The following RGPD2 variants were observed in gnomAD, a reference collection of about 807,000 sequenced individuals.
The protein encoded by RGPD2 is RANBP2 like and GRIP domain containing 2, also known as RANBP2-like and GRIP domain-containing protein 2.
RGPD2 carries 2 observed loss-of-function variants against 36.0 expected under a neutral mutation model. The ratio of observed to expected loss-of-function variants is 0.06; its 90% CI spans 0.02 to 0.17. RGPD2 has a LOEUF of 0.17. Among genes scored for constraint, RGPD2 ranks in the 10% least tolerant of loss-of-function variants. The pLI is 1.00. For missense variants in RGPD2, 40 were observed against 464.3 expected, an observed-to-expected ratio of 0.09 and a Z score of 8.40; for synonymous variants, 19 against 163.8, an observed-to-expected ratio of 0.12 and a Z score of 6.75.
chr2:87,760,617 CT>C (rs1167386408), intron 22 of RGPD2, among the ~76,000 whole-genome samples: 7 of 10,496 alleles, frequency 6.7e-4, no homozygotes, highest in East Asian at 4.5e-3. Context: ...GTTTCTTTCT[CT>C]TTTTTTTTTT....
At chr2:87,852,888 C>T in the RGPD2 span, among the ~76,000 whole-genome samples, 19 of 152,354 alleles carry the variant, frequency 1.2e-4, no homozygotes, top group South Asian at 2.7e-3. Context: ...TGACATATTA[C>T]GTATTACAAA....
chr2:87,940,153 T>C, the RGPD2 span, among the ~76,000 whole-genome samples: 1 of 151,882 alleles, frequency 6.6e-6, no homozygotes, highest in African/African-American at 2.4e-5. Flanking sequence ...AACAAAAACA[T>C]AGCAAATTCA....
chr2:87,846,662 AC>A, the RGPD2 span, among the ~76,000 whole-genome samples: 1 of 152,040 alleles, frequency 6.6e-6, no homozygotes, highest in Non-Finnish European at 1.5e-5. Context: ...AAAGCCTTAA[AC>A]ATCTGGTAAC....
the RGPD2 span, among the ~76,000 whole-genome samples, chr2:87,937,073 T>G: frequency 6.6e-6 from 1 of 151,702 alleles, no homozygotes; most frequent in Non-Finnish European, 1.5e-5. Context: ...AAAACAAATA[T>G]AAAATATAAT....
At chr2:87,826,040 A>G (rs145614216), upstream of RGPD2, 1,158 of 332,012 alleles carry the variant, frequency 3.5e-3, 17 homozygotes, top group African/African-American at 0.024. Flanking sequence ...GCTTATTTCA[A>G]TATTTTCATT....
chr2:87,879,470 G>A, the RGPD2 span, among the ~76,000 whole-genome samples: 3 of 126,906 alleles, frequency 2.4e-5, no homozygotes, highest in Non-Finnish European at 3.2e-5. Flanking sequence ...CACACACTGA[G>A]TACCCTTCCC....
At chr2:87,893,414 G>T in the RGPD2 span, among the ~76,000 whole-genome samples, 5 of 146,340 alleles carry the variant, frequency 3.4e-5, no homozygotes, top group Non-Finnish European at 6.0e-5. Flanking sequence ...ATCTCAGCTG[G>T]ATCTGGAGCT....
the RGPD2 span, among the ~76,000 whole-genome samples, chr2:87,835,043 TA>T: frequency 1.4e-5 from 2 of 143,674 alleles, no homozygotes; most frequent in African/African-American, 2.6e-5. Context: ...CATCTGTAGA[TA>T]AAAAAATACA....
chr2:87,984,907 G>T, the RGPD2 span, among the ~76,000 whole-genome samples: 1 of 145,822 alleles, frequency 6.9e-6, no homozygotes, highest in African/African-American at 2.6e-5. Flanking sequence ...TCCAGCCTAG[G>T]CGACAGAGCA....
rs752352647 is a variant in RGPD2 at position 87,781,492 on chromosome 2, TCTCA to T, written c.4900+628_4900+631del. ...TTTTTTTTTTTTTTTGGAGACAAAG[TCTCA>T]CTCAGTCAGGCTGGAGTGCAGTGGC... is the stretch of plus-strand genomic sequence containing the variant. On this transcript the variant is annotated intron_variant, in intron 20 of 22. Transcript: ENST00000398146. Among the ~76,000 whole-genome samples the T allele has an allele frequency of 7.6e-4, 108 of 141,518 alleles. 1 individual carries two copies. Among genetic ancestry groups the T allele is most frequent in the Non-Finnish European group, 1.2e-3 (80 of 65,402 alleles). 92.8% of individuals were successfully genotyped at this position (141,518 alleles called of 152,430 possible).
the RGPD2 span, among the ~76,000 whole-genome samples, chr2:87,983,331 G>T: frequency 6.6e-6 from 1 of 150,624 alleles, no homozygotes; most frequent in Non-Finnish European, 1.5e-5. Flanking sequence ...AAAAAGGAAA[G>T]AAAGGAAAAG....
At chr2:87,984,765 C>G in the RGPD2 span, among the ~76,000 whole-genome samples, 4 of 150,508 alleles carry the variant, frequency 2.7e-5, no homozygotes, top group African/African-American at 9.8e-5. Context: ...CCCATCTCTA[C>G]TAAAAATACA....
the RGPD2 span, among the ~76,000 whole-genome samples, chr2:87,840,635 G>C: frequency 6.6e-6 from 1 of 151,476 alleles, no homozygotes; most frequent in East Asian, 1.9e-4. Flanking sequence ...ATAAGATAAA[G>C]GAGACCAGTA....
chr2:87,867,143 C>G, the RGPD2 span, among the ~76,000 whole-genome samples: 1 of 150,862 alleles, frequency 6.6e-6, no homozygotes, highest in South Asian at 2.2e-4. Flanking sequence ...CCCCGAGACA[C>G]CTTTTTGTCC....
chr2:87,831,263 T>G, the RGPD2 span, among the ~76,000 whole-genome samples: 1 of 151,862 alleles, frequency 6.6e-6, no homozygotes, highest in Non-Finnish European at 1.5e-5. Flanking sequence ...ATAGTCAATA[T>G]GAAGCACAGG....
the RGPD2 span, among the ~76,000 whole-genome samples, chr2:87,955,213 A>G: frequency 1.7e-3 from 246 of 141,686 alleles, 2 homozygotes; most frequent in Non-Finnish European, 6.4e-4. Flanking sequence ...ACAGGGTTTC[A>G]CCATGTTAGC....
intron 17 of RGPD2, among the ~76,000 whole-genome samples, chr2:87,791,387 C>A: frequency 6.7e-6 from 1 of 148,986 alleles, no homozygotes; most frequent in East Asian, 2.1e-4. Context: ...GTGGCGGGTG[C>A]CTGTAATCCC....
At chr2:87,915,015 C>T in the RGPD2 span, among the ~76,000 whole-genome samples, 3 of 151,826 alleles carry the variant, frequency 2.0e-5, no homozygotes, top group South Asian at 2.1e-4. Flanking sequence ...GGCATGGTGG[C>T]GCATGCCTGT....
At chr2:87,936,736 A>G in the RGPD2 span, among the ~76,000 whole-genome samples, 1 of 61,092 alleles carries the variant, frequency 1.6e-5, no homozygotes, top group South Asian at 6.1e-4. Context: ...AGAATGGAGC[A>G]GCAAACAGAC....
Sources: gnomAD v4.1 joint callset for allele counts (sites outside exome capture counted in the v4.1 genomes callset) on GRCh38, gnomAD v4.1.1 for gene constraint, MANE v1.5 for transcripts, NCBI Gene and HGNC (gene_info 2026-07-23, HGNC 2026-07-21) for gene names.